SART3: variants seen among roughly 807,000 people sequenced by gnomAD.
The protein encoded by SART3 is spliceosome associated factor 3, U4/U6 recycling protein.
In SART3, 44 loss-of-function variants were observed where a neutral mutation model predicts 122.3. The ratio of observed to expected loss-of-function variants is 0.36; its 90% CI spans 0.28 to 0.46. SART3 has a LOEUF of 0.46. Among genes scored for constraint, SART3 ranks in the 20% least tolerant of loss-of-function variants. The pLI is 1.00. For missense variants in SART3, 1,101 were observed against 1,229.0 expected (o/e 0.90, Z 1.56); for synonymous variants, 442 against 454.0 (o/e 0.97, Z 0.34).
chr12:108,551,080 T>G (rs927765445), intron 1 of SART3, among the ~76,000 whole-genome samples: 3 of 152,032 alleles, frequency 2.0e-5, no homozygotes, highest in African/African-American at 7.3e-5. Flanking sequence ...AACTATATGG[T>G]GAGTACAAGA....
intron 3 of SART3, among the ~76,000 whole-genome samples, chr12:108,547,528 A>C (rs937262611): frequency 6.6e-6 from 1 of 152,236 alleles, no homozygotes; most frequent in African/African-American, 2.4e-5. Flanking sequence ...CTTCAAAATA[A>C]AAAGGTTTTC....
intron 1 of SART3, chr12:108,560,226 C>G (rs367605844): frequency 5.2e-5 from 8 of 152,850 alleles, no homozygotes; most frequent in African/African-American, 1.9e-4. Context: ...GTTACTGTTA[C>G]AACAATTATA....
rs942135505 is a variant in SART3 at position 108,558,000 on chromosome 12, C to CAAAAAA, written c.312+2837_312+2842dup. On this transcript the variant is annotated intron_variant, in intron 1 of 18. Coordinates refer to ENST00000546815, the MANE Select transcript of SART3 (RefSeq NM_014706.4). ...GCAACATAGTAAGAACCCATCTCTA[C>CAAAAAA]AAAAAAAAAATATTTTTAATTAGCC... Among the ~76,000 whole-genome samples the CAAAAAA allele has an allele frequency of 2.7e-5, 4 of 148,734 alleles. No individual in the cohort carries two copies. The East Asian group carries it at 7.8e-4, about 29-fold the overall frequency.
intron 8 of SART3, 62 bp downstream of exon 8, chr12:108,538,003 C>A (rs2287550): frequency 0.26 from 412,541 of 1,607,048 alleles, 55,945 homozygotes; most frequent in East Asian, 0.49. Context: ...GACTTTGTCA[C>A]CGCTCTCTGT....
chr12:108,537,978 G>A (rs909437348), intron 8 of SART3, 87 bp downstream of exon 8: 2 of 1,553,936 alleles, frequency 1.3e-6, no homozygotes, highest in Admixed American at 1.7e-5. Flanking sequence ...AAACCCCAGG[G>A]AACACTGATG....
Position 108,561,084 on chromosome 12 carries a change from C to G in SART3, c.71G>C (p.Gly24Ala). The change falls in exon 1 of 19, where the codon GGA becomes GCA. Residue 24 changes from glycine (G) to alanine (A), a missense_variant. By Grantham distance (60) the Gly-to-Ala change is moderately conservative. Around this residue, in one of 2 missense-constraint regions of SART3, gnomAD observed 216 missense variants for 148.9 expected, o/e 1.45. Transcript: ENST00000546815. Reference sequence around the variant, plus strand: ...AGCCGCCTTAACCTCATCCTCCTCTCCGTCAGCCTTGGGCCCAGCCTTGGA... The same window carrying G: ...AGCCGCCTTAACCTCATCCTCCTCTGCGTCAGCCTTGGGCCCAGCCTTGGA... The part of the protein sequence containing the change: ...AESKAGPKAD[G>A]EEDEVKAART... 6.2e-7 allele frequency: 1 copy of G among 1,614,204 alleles called. No homozygotes were observed. The highest frequency in any genetic ancestry group is 8.5e-7 in the Non-Finnish European group (1 of 1,180,034).
At chr12:108,559,593 C>T (rs564737231) in intron 1 of SART3, among the ~76,000 whole-genome samples, 3 of 136,954 alleles carry the variant, frequency 2.2e-5, no homozygotes, top group Admixed American at 1.6e-4. Flanking sequence ...TGAACCAGGG[C>T]GGCAGAGGTT....
intron 1 of SART3, among the ~76,000 whole-genome samples, chr12:108,558,359 AG>A (rs2030321743): frequency 1.3e-5 from 2 of 152,210 alleles, no homozygotes; most frequent in Admixed American, 1.3e-4. Context: ...GTCCATTTCT[AG>A]ACCACAGGAC....
intron 12 of SART3, among the ~76,000 whole-genome samples, chr12:108,534,593 T>A (rs1436868947): frequency 6.6e-6 from 1 of 151,886 alleles, no homozygotes; most frequent in Non-Finnish European, 1.5e-5. Context: ...GGCAGAAGAA[T>A]TGCTCGAACC....
intron 1 of SART3, chr12:108,560,230 AATTAT>A (rs1019744348): frequency 2.0e-5 from 3 of 152,858 alleles, no homozygotes; most frequent in African/African-American, 7.2e-5. Flanking sequence ...CTGTTACAAC[AATTAT>A]ATTATGCAGA....
At chr12:108,536,628 G>A in intron 10 of SART3, 56 bp from the exon 11 acceptor site, 1 of 1,608,798 alleles carries the variant, frequency 6.2e-7, no homozygotes, top group South Asian at 1.1e-5. Flanking sequence ...ATAGTCGCTG[G>A]CTGAAAAGGT....
At chr12:108,523,794 G>A (rs1043532489) in intron 18 of SART3, 160 bp from the exon 19 acceptor site, 18 of 729,620 alleles carry the variant, frequency 2.5e-5, no homozygotes, top group Non-Finnish European at 3.9e-5. Context: ...TGTTTATGAA[G>A]TAAAAACTGC....
chr12:108,551,656 T>A (rs186205383), intron 1 of SART3, among the ~76,000 whole-genome samples: 37 of 152,272 alleles, frequency 2.4e-4, no homozygotes, highest in Non-Finnish European at 4.7e-4. Flanking sequence ...ACAGAATATG[T>A]ATTTTTCTCA....
intron 10 of SART3, 21 bp downstream of exon 10, chr12:108,536,687 C>T: frequency 6.2e-7 from 1 of 1,613,704 alleles, no homozygotes; most frequent in African/African-American, 1.3e-5. Flanking sequence ...TGGGCAAAAC[C>T]ACAGGCTGGG....
Position 108,536,738 on chromosome 12 carries a change from A to C in SART3, c.1357T>G (p.Leu453Val). 3 of 1,613,938 alleles carry C rather than the reference A, an allele frequency of 1.9e-6. No individual in the cohort carries two copies. The highest frequency in any genetic ancestry group is 1.7e-6 in the Non-Finnish European group (2 of 1,179,874). The change falls in exon 10 of 19, where the codon TTG becomes GTG. Residue 453 changes from leucine (L) to valine (V), a missense_variant. This residue lies in a region of SART3 where 885 missense variants were observed against 1,080.1 expected (regional missense o/e 0.82). Transcript: ENST00000546815. ...TCCACCTCCTGCTTCAGATACTCCA[A>C]GGCACGAGTAAAGGCGGCCCTCAAC... ...EELRAAFTRA[L>V]EYLKQEVEER...
Position 108,560,899 on chromosome 12 carries a change from C to T in SART3, c.256G>A (p.Glu86Lys), listed in dbSNP as rs371809428. Residue 86 changes from glutamate (E) to lysine (K), a missense_variant, in exon 1 of 19, where the codon GAA becomes AAA. Glu to Lys is a moderately conservative substitution (Grantham distance 56, BLOSUM62 1). Coordinates refer to ENST00000546815, the MANE Select transcript of SART3 (RefSeq NM_014706.4). ...TTTTTCTCCTCCTCTTCGTCATATT[C>T]CCACTCGTACTCCCCGGGGGAGCTC... ...AESSPGEYEW[E>K]YDEEEEKNQL... 3.1e-6 allele frequency: 5 copies of T among 1,612,234 alleles called. No homozygotes were observed. Among genetic ancestry groups the T allele is most frequent in the African/African-American group, 2.7e-5 (2 of 74,888 alleles).
intron 15 of SART3, 92 bp from the exon 16 acceptor site, chr12:108,526,645 G>GGCCGGGCGCGGTGGCTCA: frequency 7.4e-7 from 1 of 1,346,558 alleles, no homozygotes; most frequent in Non-Finnish European, 1.1e-6. Context: ...TGCTGTGACA[G>GGCCGGGCGCGGTGGCTCA]CTGCATGTGA....
chr12:108,536,335 G>A (rs1872903035), intron 11 of SART3, among the ~76,000 whole-genome samples, 179 bp downstream of exon 11: 3 of 152,214 alleles, frequency 2.0e-5, no homozygotes, highest in Admixed American at 2.0e-4. Flanking sequence ...ACAAATATAT[G>A]TCAAGCTAGG....
In SART3 at chr12:108,547,903, G is replaced by T; in HGVS notation, c.528C>A (p.Ala176=). ...REHVYDLFEK[A]VKDYICPNIW... ...GGAACTTACAAATGTAATCCTTCAC[G>T]GCTTTCTCAAAGAGGTCATACACGT... Residue 176 remains alanine, a synonymous_variant, in exon 3 of 19, where the codon GCC becomes GCA. Transcript: ENST00000546815. 6.2e-7 allele frequency: 1 copy of T among 1,613,178 alleles called. No homozygotes were observed. Among genetic ancestry groups the T allele is most frequent in the Non-Finnish European group, 8.5e-7 (1 of 1,179,554 alleles).
Sources: gnomAD v4.1 joint callset for allele counts (sites outside exome capture counted in the v4.1 genomes callset) on GRCh38, gnomAD v4.1.1 for gene constraint, gnomAD v4.1.1 regional missense constraint, MANE v1.5 for transcripts, NCBI Gene and HGNC (gene_info 2026-07-23, HGNC 2026-07-21) for gene names.